Variants in CADPS2 observed in about 807,000 individuals in gnomAD.
The protein encoded by CADPS2 is calcium-dependent secretion activator 2.
A neutral mutation model predicts 172.5 loss-of-function variants in CADPS2; 93 were observed. That is an observed-to-expected ratio of 0.54 (90% CI 0.46 to 0.64). CADPS2 has a LOEUF of 0.64. Ranked by LOEUF, CADPS2 falls within the 30% of genes least tolerant of loss-of-function variation. The pLI, the probability that CADPS2 is intolerant of heterozygous loss-of-function variation, is 0.00. For synonymous variants in CADPS2, 546 were observed against 555.2 expected, an observed-to-expected ratio of 0.98 and a Z score of 0.23; for missense variants, 1,420 against 1,565.9, an observed-to-expected ratio of 0.91 and a Z score of 1.57.
intron 20 of CADPS2, among the ~76,000 whole-genome samples, chr7:122,407,092 C>T (rs2046743449): frequency 6.6e-6 from 1 of 152,200 alleles, no homozygotes. Flanking sequence ...TCCCTATCAT[C>T]TGTACAAATG....
rs750995883 is a variant in CADPS2 at position 122,393,230 on chromosome 7, T to C, written c.2974A>G (p.Thr992Ala). ...LNLPQIPNISTASWMPSLYES... is the reference protein window; with the variant it reads ...LNLPQIPNISAASWMPSLYES... The stretch of plus-strand genomic sequence containing the variant: ...TATAAAGAAGGCATCCACGAAGCAG[T>C]AGAAATGTTAGGAATCTGTGGAAGA... Residue 992 changes from threonine to alanine, a missense_variant, in exon 22 of 30, where the codon ACT (threonine) becomes GCT (alanine). By Grantham distance (58) the Thr-to-Ala change is moderately conservative. Coordinates refer to ENST00000449022, the MANE Select transcript of CADPS2 (RefSeq NM_017954.11). The C allele has an allele frequency of 1.2e-6, 2 of 1,613,514 alleles. No homozygotes were observed. Among genetic ancestry groups the C allele is most frequent in the Non-Finnish European group, 8.5e-7 (1 of 1,179,766 alleles).
At chr7:122,687,645 T>C (rs995129769) in intron 2 of CADPS2, among the ~76,000 whole-genome samples, 1 of 152,208 alleles carries the variant, frequency 6.6e-6, no homozygotes, top group African/African-American at 2.4e-5. Flanking sequence ...CAACACCTTG[T>C]GTATTATAGC....
At chr7:122,831,742 AG>A (rs1806629238) in intron 1 of CADPS2, among the ~76,000 whole-genome samples, 1 of 152,184 alleles carries the variant, frequency 6.6e-6, no homozygotes, top group East Asian at 1.9e-4. Flanking sequence ...GAGTGCTGTA[AG>A]AGGGGACCAT....
chr7:122,401,709 A>G (rs917256843), intron 20 of CADPS2, among the ~76,000 whole-genome samples: 1 of 152,192 alleles, frequency 6.6e-6, no homozygotes, highest in Admixed American at 6.5e-5. Context: ...CCATTAAATT[A>G]CCTCTTTAGT....
At chr7:122,645,182 G>GTA (rs1384057571) in intron 3 of CADPS2, among the ~76,000 whole-genome samples, 43 of 147,232 alleles carry the variant, frequency 2.9e-4, no homozygotes, top group Admixed American at 6.8e-4. Flanking sequence ...TATATATTAA[G>GTA]TATATATATA....
At chr7:122,600,452 G>A (rs1403086988) in intron 6 of CADPS2, among the ~76,000 whole-genome samples, 2 of 151,998 alleles carry the variant, frequency 1.3e-5, no homozygotes, top group African/African-American at 4.8e-5. Flanking sequence ...TCTGATTATA[G>A]GGGAAACAAG....
chr7:122,721,615 G>A (rs2090412592), intron 2 of CADPS2, among the ~76,000 whole-genome samples: 1 of 152,160 alleles, frequency 6.6e-6, no homozygotes, highest in Admixed American at 6.6e-5. Context: ...GAGGTACAAG[G>A]AGGAGCTGGT....
intron 19 of CADPS2, among the ~76,000 whole-genome samples, chr7:122,410,548 C>T (rs1435476737): frequency 6.7e-6 from 1 of 150,120 alleles, no homozygotes; most frequent in African/African-American, 2.4e-5. Context: ...AGTGATGATA[C>T]TTGAGTGATA....
At chr7:122,543,056 T>C (rs1477455422) in intron 8 of CADPS2, among the ~76,000 whole-genome samples, 3 of 151,628 alleles carry the variant, frequency 2.0e-5, no homozygotes, top group Non-Finnish European at 2.9e-5. Context: ...CAAGGAAGAA[T>C]AAAGTAAGTT....
At chr7:122,705,358 A>G (rs555280265) in intron 2 of CADPS2, among the ~76,000 whole-genome samples, 1 of 148,980 alleles carries the variant, frequency 6.7e-6, no homozygotes, top group East Asian at 2.0e-4. Context: ...CAAATATTGA[A>G]GAGTTTTTCA....
intron 6 of CADPS2, among the ~76,000 whole-genome samples, chr7:122,593,158 T>C (rs542455098): frequency 6.6e-6 from 1 of 152,056 alleles, no homozygotes; most frequent in Admixed American, 6.6e-5. Flanking sequence ...AATCACACTG[T>C]CATTTAAGAC....
At chr7:122,353,220 T>C (rs1249482240) in intron 27 of CADPS2, among the ~76,000 whole-genome samples, 2 of 151,964 alleles carry the variant, frequency 1.3e-5, no homozygotes, top group South Asian at 2.1e-4. Flanking sequence ...AGGAGCAAGG[T>C]GGAAAATGAA....
chr7:122,788,670 AT>A (rs1794608645), intron 1 of CADPS2, among the ~76,000 whole-genome samples: 1 of 152,204 alleles, frequency 6.6e-6, no homozygotes, highest in Non-Finnish European at 1.5e-5. Flanking sequence ...TCGTTGGACT[AT>A]AGCTTTGAAC....
At chr7:122,445,461 G>A (rs1174338357) in intron 15 of CADPS2, among the ~76,000 whole-genome samples, 1 of 151,782 alleles carries the variant, frequency 6.6e-6, no homozygotes, top group Non-Finnish European at 1.5e-5. Context: ...TATTGTTATT[G>A]TAAATGATAT....
intron 1 of CADPS2, among the ~76,000 whole-genome samples, chr7:122,747,413 T>C (rs183274548): frequency 1.8e-4 from 27 of 152,238 alleles, no homozygotes; most frequent in Admixed American, 1.4e-3. Flanking sequence ...ATAATTCCAG[T>C]GGACTATGTC....
intron 2 of CADPS2, among the ~76,000 whole-genome samples, chr7:122,692,580 C>A (rs1232092578): frequency 1.3e-5 from 2 of 152,184 alleles, no homozygotes; most frequent in African/African-American, 2.4e-5. Context: ...CCACTGGGTA[C>A]CACAGCCCAT....
At chr7:122,775,252 A>G (rs1465230658) in intron 1 of CADPS2, among the ~76,000 whole-genome samples, 1 of 152,232 alleles carries the variant, frequency 6.6e-6, no homozygotes, top group Non-Finnish European at 1.5e-5. Context: ...TATTTGCAAG[A>G]TAACAAATTA....
At chr7:122,376,140 G>C (rs576910602) in intron 25 of CADPS2, among the ~76,000 whole-genome samples, 32 of 152,226 alleles carry the variant, frequency 2.1e-4, no homozygotes, top group African/African-American at 7.2e-4. Context: ...ATGTAAATTG[G>C]TGTAGCCACT....
intron 28 of CADPS2, among the ~76,000 whole-genome samples, chr7:122,335,824 A>G (rs1268854586): frequency 1.3e-5 from 2 of 152,232 alleles, no homozygotes; most frequent in East Asian, 1.9e-4. Flanking sequence ...GTAGACAAGT[A>G]TGACAGGTAC....
Sources: gnomAD v4.1 joint callset for allele counts (sites outside exome capture counted in the v4.1 genomes callset) on GRCh38, gnomAD v4.1.1 for gene constraint, MANE v1.5 for transcripts, NCBI Gene and HGNC (gene_info 2026-07-23, HGNC 2026-07-21) for gene names.